Variants in MERTK observed in about 807,000 individuals in gnomAD.
The protein encoded by MERTK is MER proto-oncogene, tyrosine kinase.
Under a neutral mutation model 99.3 loss-of-function variants are expected in MERTK, and 69 were observed. That is an observed-to-expected ratio of 0.70 (90% confidence interval 0.57 to 0.85). The LOEUF is 0.85. Among genes scored for constraint, MERTK ranks in the 40% least tolerant of loss-of-function variants. MERTK has a pLI of 0.00. For missense variants in MERTK, 1,125 were observed against 1,249.4 expected (o/e 0.90, Z 1.50); for synonymous variants, 426 against 467.6 (o/e 0.91, Z 1.15).
intron 8 of MERTK, among the ~76,000 whole-genome samples, chr2:111,987,899 A>G (rs1024747395): frequency 5.2e-4 from 79 of 151,884 alleles, no homozygotes; most frequent in African/African-American, 1.8e-3. Context: ...CTCTAATGCT[A>G]GTTTACTCTT....
intron 1 of MERTK, among the ~76,000 whole-genome samples, chr2:111,926,143 TTTATA>T (rs1403879372): frequency 2.0e-5 from 3 of 152,194 alleles, no homozygotes; most frequent in African/African-American, 7.2e-5. Context: ...AGACTTTCAT[TTTATA>T]TTGTATATGC....
At chr2:111,939,208 G>A (rs761167560) in intron 2 of MERTK, among the ~76,000 whole-genome samples, 15 of 152,082 alleles carry the variant, frequency 9.9e-5, no homozygotes, top group Non-Finnish European at 2.2e-4. Flanking sequence ...CTAAGGCAAC[G>A]CAGGGCATCA....
At chr2:111,983,522 G>A (rs10188642) in intron 8 of MERTK, among the ~76,000 whole-genome samples, 93,624 of 151,530 alleles carry the variant, frequency 0.62, 29,262 homozygotes, top group Middle Eastern at 0.69. Flanking sequence ...ACAGCTGCGG[G>A]CAAGCCGAAA....
intron 4 of MERTK, among the ~76,000 whole-genome samples, chr2:111,964,665 G>A (rs1253230936): frequency 1.3e-5 from 2 of 152,086 alleles, no homozygotes; most frequent in Admixed American, 1.3e-4. Flanking sequence ...TCTTCTCTTC[G>A]ATTAGTTATA....
chr2:111,972,475 T>C (rs1676142322), intron 6 of MERTK, among the ~76,000 whole-genome samples: 1 of 152,146 alleles, frequency 6.6e-6, no homozygotes, highest in African/African-American at 2.4e-5. Context: ...TCACCCCTGA[T>C]GATGGAAGAT....
chr2:111,978,291 A>G (rs772507018), intron 7 of MERTK, among the ~76,000 whole-genome samples: 19 of 152,192 alleles, frequency 1.2e-4, no homozygotes, highest in Non-Finnish European at 2.4e-4. Flanking sequence ...CTGGGATTAC[A>G]GGCATGCACC....
In MERTK at chr2:112,000,490, C is replaced by T. The variant is rs901150986; in HGVS notation, c.1605-711C>T. On this transcript the variant is annotated intron_variant, in intron 10 of 18. Coordinates refer to ENST00000295408, the MANE Select transcript of MERTK (RefSeq NM_006343.3). The stretch of plus-strand genomic sequence containing the variant: ...CTTGCCAGTTTTCAGAAGTGTTAGT[C>T]GGGTGTTTTGTAGGATGCCCCTCTA... 5.3e-5 allele frequency among the ~76,000 whole-genome samples: 8 copies of T among 152,164 alleles called. No homozygotes were observed. The East Asian group carries it at 7.7e-4, about 15-fold the overall frequency.
intron 1 of MERTK, among the ~76,000 whole-genome samples, chr2:111,910,610 G>GTGTGTGTGTGTGTGTA (rs370882764): frequency 6.2e-4 from 89 of 143,658 alleles, no homozygotes; most frequent in African/African-American, 2.2e-3. Flanking sequence ...GTGTGTGTGT[G>GTGTGTGTGTGTGTGTA]TATATATATA....
At chr2:111,964,378 T>C (rs1685317753) in intron 4 of MERTK, among the ~76,000 whole-genome samples, 1 of 72,578 alleles carries the variant, frequency 1.4e-5, no homozygotes. Context: ...CGTGTGTGTG[T>C]GTGTGTGTGT....
In MERTK at chr2:112,008,453, C is replaced by T. The variant is rs1309440527; in HGVS notation, c.1938C>T (p.His646=). The T allele has an allele frequency of 8.1e-6, 13 of 1,613,940 alleles. No individual in the cohort carries two copies. The highest frequency in any genetic ancestry group is 1.0e-5 in the Non-Finnish European group (12 of 1,179,932). Residue 646 remains histidine, a synonymous_variant, in exon 14 of 19, where the codon CAC becomes CAT. Coordinates refer to ENST00000295408, the MANE Select transcript of MERTK (RefSeq NM_006343.3). ...SEAACMKDFS[H]PNVIRLLGVC... ...CAGCGTGCATGAAAGACTTCAGCCA[C>T]CCAAATGTCATTCGACTTCTAGGTA... is the stretch of plus-strand genomic sequence containing the variant.
At position 111,954,023 on chromosome 2, in the gene MERTK, C is replaced by G. The variant is rs868073579; in HGVS notation, c.757+6456C>G. ...TCCAATCTTTCTCGTTCTCATCCCC[C>G]TACCCCACCACCATAGTGAGTGATG... On this transcript the variant is annotated intron_variant, in intron 4 of 18. Coordinates refer to ENST00000295408, the MANE Select transcript of MERTK (RefSeq NM_006343.3). 2.8e-4 allele frequency among the ~76,000 whole-genome samples: 42 copies of G among 152,344 alleles called. No homozygotes were observed. The Middle Eastern group carries it at 0.014, about 49-fold the overall frequency.
chr2:111,916,582 C>T (rs575749116), intron 1 of MERTK, among the ~76,000 whole-genome samples: 1 of 152,068 alleles, frequency 6.6e-6, no homozygotes, highest in South Asian at 2.1e-4. Context: ...TATTTCTTTA[C>T]TGAGACTTTG....
intron 6 of MERTK, among the ~76,000 whole-genome samples, chr2:111,970,742 C>G (rs1573609919): frequency 8.7e-6 from 1 of 115,316 alleles, no homozygotes; most frequent in East Asian, 2.9e-4. Flanking sequence ...CCCCCTACTC[C>G]TCCCTCCTCC....
At position 111,972,016 on chromosome 2, in the gene MERTK, A is replaced by G. The variant is rs76154885; in HGVS notation, c.961-3273A>G. 8.7e-3 allele frequency among the ~76,000 whole-genome samples: 1,325 copies of G among 152,222 alleles called. 25 individuals are homozygous for G. Among genetic ancestry groups the G allele is most frequent in the Admixed American group, 0.022 (343 of 15,290 alleles). On this transcript the variant is annotated intron_variant, in intron 6 of 18. Coordinates refer to ENST00000295408, the MANE Select transcript of MERTK (RefSeq NM_006343.3). The stretch of plus-strand genomic sequence containing the variant: ...ATCCAGGGCCTCTTTCCCTAGAGGT[A>G]GACATTTATTTATTTGTTTGTTTGT...
At position 111,926,113 on chromosome 2, in the gene MERTK, G is replaced by A. The variant is rs186369546; in HGVS notation, c.62-3007G>A. Among the ~76,000 whole-genome samples, 473 of 152,268 alleles carry A rather than the reference G, an allele frequency of 3.1e-3. 2 individuals are homozygous for A. Among genetic ancestry groups the A allele is most frequent in the African/African-American group, 0.011 (449 of 41,562 alleles). On this transcript the variant is annotated intron_variant, in intron 1 of 18. Transcript: ENST00000295408. ...CCCAAAGTGCTGGGATTACAGGCGTGAGCCACTGCGCCCAGCCCCAGACTT... is the reference window on the plus strand; with the variant it reads ...CCCAAAGTGCTGGGATTACAGGCGTAAGCCACTGCGCCCAGCCCCAGACTT...
chr2:112,006,496 C>T (rs1366130575), intron 13 of MERTK, among the ~76,000 whole-genome samples: 1 of 152,130 alleles, frequency 6.6e-6, no homozygotes, highest in East Asian at 1.9e-4. Context: ...CTGAGCCTCA[C>T]AGTGCATCTG....
chr2:111,989,358 T>C (rs1265429713), intron 8 of MERTK, among the ~76,000 whole-genome samples: 1 of 128,918 alleles, frequency 7.8e-6, no homozygotes, highest in African/African-American at 3.2e-5. Flanking sequence ...GGGTTGTGAA[T>C]TCTTTTTTTT....
chr2:111,910,343 C>T (rs552241047), intron 1 of MERTK, among the ~76,000 whole-genome samples: 31 of 151,512 alleles, frequency 2.0e-4, no homozygotes, highest in African/African-American at 7.3e-4. Context: ...GATCTCAGCT[C>T]ACTGCAACTT....
chr2:111,918,221 G>A (rs1047887923), intron 1 of MERTK, among the ~76,000 whole-genome samples: 1 of 152,150 alleles, frequency 6.6e-6, no homozygotes, highest in African/African-American at 2.4e-5. Flanking sequence ...GTCTGTTTTT[G>A]GAGGGGATTC....
Sources: allele counts gnomAD v4.1 joint callset (sites outside exome capture counted in the v4.1 genomes callset), GRCh38; gene constraint gnomAD v4.1.1; transcripts MANE v1.5; gene names NCBI Gene and HGNC (gene_info 2026-07-23, HGNC 2026-07-21).